KCNH8: variants seen among roughly 807,000 people sequenced by gnomAD.
KCNH8 encodes voltage-gated delayed rectifier potassium channel KCNH8.
Under a neutral mutation model 103.6 loss-of-function variants are expected in KCNH8, and 70 were observed. The ratio of observed to expected loss-of-function variants is 0.68; its 90% CI spans 0.56 to 0.82. The LOEUF is 0.82. KCNH8 is among the 40% of genes least tolerant of loss of function. The pLI is 0.00. For missense variants in KCNH8, 1,217 were observed against 1,329.9 expected (o/e 0.92, Z 1.32); for synonymous variants, 498 against 489.4 (o/e 1.02, Z -0.23).
intron 1 of KCNH8, among the ~76,000 whole-genome samples, chr3:19,184,593 G>T (rs887201236): frequency 1.5e-4 from 23 of 151,842 alleles, no homozygotes; most frequent in African/African-American, 4.8e-4. Context: ...TTAAAATGGC[G>T]TTAAATAAAG....
At chr3:19,468,877 C>G (rs2067797816) in intron 11 of KCNH8, among the ~76,000 whole-genome samples, 1 of 152,128 alleles carries the variant, frequency 6.6e-6, no homozygotes, top group Non-Finnish European at 1.5e-5. Flanking sequence ...TCTCTTGATG[C>G]CTATGTGACT....
At chr3:19,303,492 A>G (rs2065089859) in intron 3 of KCNH8, among the ~76,000 whole-genome samples, 1 of 152,164 alleles carries the variant, frequency 6.6e-6, no homozygotes, top group Non-Finnish European at 1.5e-5. Flanking sequence ...AAAAATTGGT[A>G]CCTTTGGAAG....
At chr3:19,337,887 A>C (rs531713877) in intron 3 of KCNH8, among the ~76,000 whole-genome samples, 40 of 151,802 alleles carry the variant, frequency 2.6e-4, no homozygotes, top group African/African-American at 7.7e-4. Context: ...CTGTTGCTTC[A>C]TGTGCTCCAG....
intron 1 of KCNH8, among the ~76,000 whole-genome samples, chr3:19,169,290 G>C (rs1424999505): frequency 1.5e-5 from 2 of 129,724 alleles, no homozygotes; most frequent in East Asian, 2.2e-4. Context: ...ACGGAGTCTC[G>C]CTCTTTCGCC....
intron 1 of KCNH8, among the ~76,000 whole-genome samples, chr3:19,215,833 G>A (rs1429209865): frequency 2.0e-5 from 3 of 152,160 alleles, no homozygotes; most frequent in Non-Finnish European, 4.4e-5. Context: ...ACTCTCTTCG[G>A]CATAGCCATG....
chr3:19,259,187 T>G (rs1349421048), intron 2 of KCNH8, among the ~76,000 whole-genome samples: 1 of 151,370 alleles, frequency 6.6e-6, no homozygotes, highest in Non-Finnish European at 1.5e-5. Context: ...GAGCTATTGC[T>G]TACTTGATGT....
At chr3:19,313,184 T>G (rs1034876096) in intron 3 of KCNH8, among the ~76,000 whole-genome samples, 1 of 151,906 alleles carries the variant, frequency 6.6e-6, no homozygotes, top group African/African-American at 2.4e-5. Flanking sequence ...GTGTGAGTCC[T>G]GACAAGGCAG....
intron 3 of KCNH8, among the ~76,000 whole-genome samples, chr3:19,335,560 T>C (rs1357984973): frequency 1.3e-5 from 2 of 150,570 alleles, no homozygotes; most frequent in African/African-American, 4.9e-5. Context: ...GTTGTAGATG[T>C]ATTCAGAAAT....
At chr3:19,524,887 C>T (rs922751304) in intron 15 of KCNH8, among the ~76,000 whole-genome samples, 3 of 151,880 alleles carry the variant, frequency 2.0e-5, no homozygotes, top group South Asian at 4.1e-4. Context: ...TTGATAATAA[C>T]AGCAGAAGTT....
intron 8 of KCNH8, 130 bp downstream of exon 8, chr3:19,438,491 TAGAC>T (rs2067233567): frequency 1.3e-6 from 1 of 757,898 alleles, no homozygotes; most frequent in South Asian, 1.9e-5. Context: ...AAGCACTAAT[TAGAC>T]AGTCTAGATG....
At chr3:19,240,209 T>C (rs1251706642) in intron 1 of KCNH8, among the ~76,000 whole-genome samples, 1 of 152,206 alleles carries the variant, frequency 6.6e-6, no homozygotes, top group Non-Finnish European at 1.5e-5. Context: ...GTTTAAGTTT[T>C]CTGGATTCAG....
intron 15 of KCNH8, among the ~76,000 whole-genome samples, chr3:19,524,172 A>T (rs769203985): frequency 1.3e-5 from 2 of 151,862 alleles, no homozygotes; most frequent in Non-Finnish European, 2.9e-5. Context: ...ATATCTTTTC[A>T]TTGACAATTG....
intron 15 of KCNH8, among the ~76,000 whole-genome samples, chr3:19,527,905 G>C (rs1467437188): frequency 6.6e-6 from 1 of 152,094 alleles, no homozygotes; most frequent in Non-Finnish European, 1.5e-5. Flanking sequence ...ATACAAAACT[G>C]TACCACTTGG....
intron 5 of KCNH8, among the ~76,000 whole-genome samples, chr3:19,361,118 C>G (rs1452617249): frequency 6.6e-6 from 1 of 151,984 alleles, no homozygotes; most frequent in Non-Finnish European, 1.5e-5. Flanking sequence ...AATTCCTGTG[C>G]TCAGACCTGG....
chr3:19,531,170 T>G (rs996251239), intron 15 of KCNH8, among the ~76,000 whole-genome samples: 1 of 152,238 alleles, frequency 6.6e-6, no homozygotes, highest in Non-Finnish European at 1.5e-5. Context: ...GTGAGTTTCA[T>G]ACAGGAATTT....
At chr3:19,188,159 G>T (rs2125207565) in intron 1 of KCNH8, among the ~76,000 whole-genome samples, 1 of 152,060 alleles carries the variant, frequency 6.6e-6, no homozygotes, top group East Asian at 1.9e-4. Context: ...ACCAAATATT[G>T]CTGCACAATT....
At chr3:19,482,089 A>G (rs1247234161) in intron 11 of KCNH8, among the ~76,000 whole-genome samples, 1 of 152,152 alleles carries the variant, frequency 6.6e-6, no homozygotes, top group Non-Finnish European at 1.5e-5. Context: ...GAGGGTCGTG[A>G]TCGATTGAGC....
intron 2 of KCNH8, among the ~76,000 whole-genome samples, chr3:19,277,198 A>AGG (rs1410498989): frequency 6.6e-6 from 1 of 152,112 alleles, no homozygotes; most frequent in Admixed American, 6.6e-5. Flanking sequence ...TAGACTAGGA[A>AGG]GGGGAGGCAG....
chr3:19,386,650 TAAC>T (rs764264394), intron 5 of KCNH8, among the ~76,000 whole-genome samples: 2 of 152,094 alleles, frequency 1.3e-5, no homozygotes, highest in African/African-American at 2.4e-5. Flanking sequence ...TTAATGATAT[TAAC>T]AAGAAAATTA....
Sources: gnomAD v4.1 joint callset for allele counts (sites outside exome capture counted in the v4.1 genomes callset) on GRCh38, gnomAD v4.1.1 for gene constraint, MANE v1.5 for transcripts, NCBI Gene and HGNC (gene_info 2026-07-23, HGNC 2026-07-21) for gene names.